Variants in ZNF768 observed in about 807,000 individuals in gnomAD.
ZNF768 encodes zinc finger protein 768.
ZNF768 carries 12 observed loss-of-function variants against 39.7 expected under a neutral mutation model. The ratio of observed to expected loss-of-function variants is 0.30; its 90% confidence interval spans 0.19 to 0.49. The LOEUF is 0.49. ZNF768 is among the 20% of genes least tolerant of loss of function. The pLI is 0.99. For synonymous variants in ZNF768, 360 were observed against 288.4 expected (o/e 1.25, Z -2.52); for missense variants, 613 against 723.2 (o/e 0.85, Z 1.75).
Position 30,524,248 on chromosome 16 carries a change from G to C in ZNF768, c.*269C>G. 2.3e-6 allele frequency: 1 copy of C among 433,272 alleles called. No homozygotes were observed. Among genetic ancestry groups the C allele is most frequent in the Non-Finnish European group, 4.0e-6 (1 of 247,668 alleles). The allele number at this position is 433,272 out of a possible 1,614,324, so 26.8% of individuals were successfully genotyped here. A position where few individuals can be genotyped will look rare whatever the true frequency, so the allele number is the denominator to read the frequency against. On this transcript the variant is annotated 3_prime_UTR_variant, in exon 2 of 2. Coordinates refer to ENST00000380412, the MANE Select transcript of ZNF768 (RefSeq NM_024671.4). ...CCTGCTCTAGCAGTTGCCAAGCCAG[G>C]CACCCACCAAGGAGCCGCGGCTGAG...
chr16:30,529,685 C>T (rs2051353704), upstream of ZNF768, among the ~76,000 whole-genome samples: 1 of 152,200 alleles, frequency 6.6e-6, no homozygotes, highest in African/African-American at 2.4e-5. Flanking sequence ...CCAACCACTA[C>T]TCTTGCAAAA....
Position 30,525,790 on chromosome 16 carries a change from T to C in ZNF768, c.350A>G (p.Gln117Arg), listed in dbSNP as rs749424366. The change falls in exon 2 of 2, where the codon CAG (glutamine) becomes CGG (arginine). Residue 117 changes from glutamine (Q) to arginine (R), a missense_variant. Transcript: ENST00000380412. The part of the protein sequence containing the change: ...SDSQSPEFES[Q>R]SPRYEPQSPG... ...GCTTTGGGGTTCATACCTAGGGCTC[T>C]GGGATTCAAACTCAGGGCTCTGAGA... 6.4e-7 allele frequency: 1 copy of C among 1,562,878 alleles called. No individual in the cohort carries two copies. Among genetic ancestry groups the C allele is most frequent in the Admixed American group, 2.0e-5 (1 of 49,230 alleles).
chr16:30,527,045 C>G, upstream of ZNF768: 4 of 985,444 alleles, frequency 4.1e-6, no homozygotes, highest in Non-Finnish European at 4.8e-6. Flanking sequence ...CCGGGCCCCG[C>G]GTCGTCGGTG....
In ZNF768 at chr16:30,524,533, G is replaced by A. The variant is rs1283662261; in HGVS notation, c.1607C>T (p.Ala536Val). 6.2e-7 allele frequency: 1 copy of A among 1,609,026 alleles called. No homozygotes were observed. Among genetic ancestry groups the A allele is most frequent in the Non-Finnish European group, 8.5e-7 (1 of 1,179,106 alleles). Residue 536 changes from alanine to valine, a missense_variant, in exon 2 of 2, where the codon GCG becomes GTG. Physicochemically the swap from Ala to Val is moderately conservative, Grantham distance 64. Coordinates refer to ENST00000380412, the MANE Select transcript of ZNF768 (RefSeq NM_024671.4). ...GGCCCCAGGTCAGCGCCGGCCCGCCGCGTGGGTCCGCTGGTGGCGGATGAG... is the reference window on the plus strand; with the variant it reads ...GGCCCCAGGTCAGCGCCGGCCCGCCACGTGGGTCCGCTGGTGGCGGATGAG... ...SDLIRHQRTH[A>V]AGRR
Position 30,524,572 on chromosome 16 carries a change from G to C in ZNF768, c.1568C>G (p.Ser523Cys), listed in dbSNP as rs2051302379. Residue 523 changes from serine to cysteine, a missense_variant, in exon 2 of 2, where the codon TCC (serine) becomes TGC (cysteine). Physicochemically the swap from Ser to Cys is moderately radical, Grantham distance 112. Coordinates refer to ENST00000380412, the MANE Select transcript of ZNF768 (RefSeq NM_024671.4). The part of the protein sequence containing the change: ...YKCDDCGKAF[S>C]QSSDLIRHQR... ...GTGGCGGATGAGGTCGGAGCTCTGGGAGAAGGCCTTTCCGCAGTCATCGCA... is the reference window on the plus strand; with the variant it reads ...GTGGCGGATGAGGTCGGAGCTCTGGCAGAAGGCCTTTCCGCAGTCATCGCA... 1 of 1,612,256 alleles carries C rather than the reference G, an allele frequency of 6.2e-7. No individual in the cohort carries two copies. Among genetic ancestry groups the C allele is most frequent in the African/African-American group, 1.3e-5 (1 of 74,900 alleles).
Position 30,525,099 on chromosome 16 carries a change from G to A in ZNF768, c.1041C>T (p.Cys347=), listed in dbSNP as rs1342005027. 6.2e-7 allele frequency: 1 copy of A among 1,613,722 alleles called. No individual in the cohort carries two copies. Residue 347 remains cysteine (C), a synonymous_variant, in exon 2 of 2, where the codon TGC becomes TGT. Transcript: ENST00000380412. ...RTHSGQKPYK[C]PHCGKAFGDS... is the part of the protein sequence containing the mutation. Reference sequence around the variant, plus strand: ...CGCCGAAGGCCTTGCCACAATGTGGGCACTTGTAGGGCTTCTGGCCAGAGT... The same window carrying A: ...CGCCGAAGGCCTTGCCACAATGTGGACACTTGTAGGGCTTCTGGCCAGAGT...
At chr16:30,532,361 C>T in the ZNF768 span, 17 of 972,304 alleles carry the variant, frequency 1.7e-5, no homozygotes, top group Middle Eastern at 6.1e-4. Flanking sequence ...CTGCTGAGAG[C>T]CCAAGATCAG....
upstream of ZNF768, among the ~76,000 whole-genome samples, chr16:30,528,833 T>C (rs2051348784): frequency 6.6e-6 from 1 of 152,126 alleles, no homozygotes; most frequent in African/African-American, 2.4e-5. Context: ...GAAACAAGTC[T>C]CCTTCACAAG....
At chr16:30,532,271 G>C in the ZNF768 span, 1 of 605,974 alleles carries the variant, frequency 1.7e-6, no homozygotes, top group Non-Finnish European at 2.9e-6. Context: ...GGTCTGGGGG[G>C]TTCTCACCTC....
At chr16:30,528,613 G>A (rs183653031), upstream of ZNF768, among the ~76,000 whole-genome samples, 11 of 152,272 alleles carry the variant, frequency 7.2e-5, no homozygotes, top group East Asian at 1.2e-3. Flanking sequence ...CGAATGAAGC[G>A]GGGAAAACTT....
chr16:30,525,462 T>C lies in ZNF768; in HGVS notation c.678A>G (p.Thr226=). 1 of 1,614,098 alleles carries C rather than the reference T, an allele frequency of 6.2e-7. No homozygotes were observed. Among genetic ancestry groups the C allele is most frequent in the Non-Finnish European group, 8.5e-7 (1 of 1,180,034 alleles). ...GATTCTGAAGCATCTCAAACTGCGG[T>C]GTAGACAGCAGGGCCCCTGTGGGCA... ...FEMPTGALLS[T]PQFEMLQNPL... The change falls in exon 2 of 2, where the codon ACA becomes ACG. Residue 226 remains threonine, a synonymous_variant. Transcript: ENST00000380412.
chr16:30,524,411 C>T lies in ZNF768; in HGVS notation c.*106G>A. 1.4e-6 allele frequency: 2 copies of T among 1,470,360 alleles called. No individual in the cohort carries two copies. Among genetic ancestry groups the T allele is most frequent in the Non-Finnish European group, 9.0e-7 (1 of 1,113,614 alleles). The allele number at this position is 1,470,360 out of a possible 1,614,324, so 91.1% of individuals were successfully genotyped here. A position where few individuals can be genotyped will look rare whatever the true frequency, so the allele number is the denominator to read the frequency against. On this transcript the variant is annotated 3_prime_UTR_variant, in exon 2 of 2. Transcript: ENST00000380412. ...GGTTCTCTTCTTCCAGCATCCTCAG[C>T]TCCTCCATTCTCCTGCGGCTTCTCC...
chr16:30,527,000 G>C, upstream of ZNF768: 1 of 985,370 alleles, frequency 1.0e-6, no homozygotes, highest in Non-Finnish European at 1.2e-6. Flanking sequence ...TATGTTCTAG[G>C]TCTCCGTCCC....
At chr16:30,526,617 G>A, upstream of ZNF768, 5 of 856,258 alleles carry the variant, frequency 5.8e-6, no homozygotes, top group Non-Finnish European at 5.5e-6. Flanking sequence ...CCGCGGCCCC[G>A]CCCCCTCCCA....
upstream of ZNF768, chr16:30,527,150 C>G (rs763121772): frequency 1.0e-6 from 1 of 985,302 alleles, no homozygotes; most frequent in Non-Finnish European, 1.2e-6. Flanking sequence ...CGCTCCCTCC[C>G]CTCCCGGGCC....
In ZNF768 at chr16:30,524,903, G is replaced by A; in HGVS notation, c.1237C>T (p.Arg413Trp). 1 of 1,612,782 alleles carries A rather than the reference G, an allele frequency of 6.2e-7. No individual in the cohort carries two copies. The highest frequency in any genetic ancestry group is 8.5e-7 in the Non-Finnish European group (1 of 1,179,850). ...CGICGKSFSQ[R>W]SALIPHARSH... ...CGGGCATGGGGGATAAGGGCCGACC[G>A]CTGGGAGAAGCTCTTGCCGCAGATG... Residue 413 changes from arginine to tryptophan, a missense_variant, in exon 2 of 2, where the codon CGG becomes TGG. By Grantham distance (101) the Arg-to-Trp change is moderately radical (BLOSUM62 -3). This residue lies in a region of ZNF768 where 204 missense variants were observed against 281.7 expected (regional missense o/e 0.72). Coordinates refer to ENST00000380412, the MANE Select transcript of ZNF768 (RefSeq NM_024671.4).
chr16:30,526,838 G>T (rs1443745626), upstream of ZNF768: 25 of 876,426 alleles, frequency 2.9e-5, no homozygotes, highest in Admixed American at 6.4e-5. Context: ...CCGCGGCCAG[G>T]TCCCCCCGCC....
chr16:30,530,186 TCTGTGCCACCAA>T (rs372929006), upstream of ZNF768, among the ~76,000 whole-genome samples: 265 of 152,084 alleles, frequency 1.7e-3, 1 homozygote, highest in African/African-American at 5.3e-3. The surrounding 1 kb of genome is among the most constrained non-coding windows in gnomAD (Gnocchi z 4.4). Flanking sequence ...GGTGGAAATA[TCTGTGCCACCAA>T]CTGAGGAGCT....
At chr16:30,527,409 C>T (rs373906201), upstream of ZNF768, 11 of 829,946 alleles carry the variant, frequency 1.3e-5, no homozygotes, top group African/African-American at 1.3e-4. Context: ...CTTCTCCGCC[C>T]CAGGAAGCCC....
Sources: gnomAD v4.1 joint callset for allele counts (sites outside exome capture counted in the v4.1 genomes callset) on GRCh38, gnomAD v4.1.1 for gene constraint, gnomAD v4.1.1 regional missense constraint, Gnocchi (gnomAD v3.1) non-coding constraint, MANE v1.5 for transcripts, NCBI Gene and HGNC (gene_info 2026-07-23, HGNC 2026-07-21) for gene names.